GFRA2: variants seen among roughly 807,000 people sequenced by gnomAD.
GFRA2 encodes GDNF family receptor alpha-2.
In GFRA2, 17 loss-of-function variants were observed where a neutral mutation model predicts 48.3. The observed-to-expected ratio is 0.35, with a 90% CI of 0.24 to 0.53. The LOEUF is 0.53. GFRA2 is among the 20% of genes least tolerant of loss of function. The pLI is 0.93. For synonymous variants in GFRA2, 305 were observed against 257.2 expected, an observed-to-expected ratio of 1.19 and a Z score of -1.78; for missense variants, 660 against 637.3, an observed-to-expected ratio of 1.04 and a Z score of -0.38.
chr8:21,773,988 G>A (rs993254402), intron 3 of GFRA2, among the ~76,000 whole-genome samples: 1 of 152,212 alleles, frequency 6.6e-6, no homozygotes, highest in African/African-American at 2.4e-5. Flanking sequence ...TAGTGCTGCT[G>A]TTGAAAACCC....
At chr8:21,794,233 C>CTTTTTTT (rs1159236794) in intron 2 of GFRA2, among the ~76,000 whole-genome samples, 2 of 66,958 alleles carry the variant, frequency 3.0e-5, no homozygotes, top group Non-Finnish European at 5.6e-5. Context: ...CTGAGAGTGA[C>CTTTTTTT]TTTTTTTTTT....
At chr8:21,759,206 C>CA (rs1805748114) in intron 3 of GFRA2, among the ~76,000 whole-genome samples, 2 of 151,686 alleles carry the variant, frequency 1.3e-5, no homozygotes, top group South Asian at 4.2e-4. Context: ...GCCAACATGG[C>CA]AAAACCCCGT....
intron 7 of GFRA2, 136 bp from the exon 8 acceptor site, chr8:21,694,653 A>T (rs541825701): frequency 2.6e-6 from 2 of 775,366 alleles, no homozygotes; most frequent in African/African-American, 3.4e-5. Flanking sequence ...TGAAGAGGGT[A>T]GCTCAATTCC....
intron 1 of GFRA2, 139 bp from the exon 2 acceptor site, chr8:21,783,038 A>G (rs1807091068): frequency 1.3e-6 from 1 of 796,132 alleles, no homozygotes; most frequent in Non-Finnish European, 2.1e-6. Flanking sequence ...TCTGTGGGAC[A>G]GCCCTCCTCA....
chr8:21,693,473 C>G, intron 8 of GFRA2, 73 bp from the exon 9 acceptor site: 1 of 1,430,232 alleles, frequency 7.0e-7, no homozygotes, highest in Non-Finnish European at 9.5e-7. Flanking sequence ...AGGCCTGGGA[C>G]CCGGCAGAGA....
chr8:21,702,788 C>T lies in GFRA2; in HGVS notation c.1218+17G>A, dbSNP rs778319534. ...GTGCCATGGTGCTCCCCCCACGCCTCAGCCACACACCCTCACCTGGACAGA... is the reference window on the plus strand; with the variant it reads ...GTGCCATGGTGCTCCCCCCACGCCTTAGCCACACACCCTCACCTGGACAGA... On this transcript the variant is annotated intron_variant, in intron 7 of 8. Coordinates refer to ENST00000524240, the MANE Select transcript of GFRA2 (RefSeq NM_001495.5). 1.9e-6 allele frequency: 3 copies of T among 1,576,120 alleles called. No homozygotes were observed. Among genetic ancestry groups the T allele is most frequent in the Admixed American group, 1.8e-5 (1 of 54,310 alleles).
At chr8:21,717,511 T>G (rs73552682) in intron 4 of GFRA2, among the ~76,000 whole-genome samples, 16,735 of 152,268 alleles carry the variant, frequency 0.11, 1,641 homozygotes, top group African/African-American at 0.26. Context: ...ATTATGTTCA[T>G]TTTTAATAAA....
intron 8 of GFRA2, 51 bp downstream of exon 8, chr8:21,694,413 C>T: frequency 1.9e-6 from 3 of 1,541,272 alleles, no homozygotes; most frequent in Admixed American, 1.7e-5. Flanking sequence ...GAAATGCCGC[C>T]CCCCACCGGC....
chr8:21,701,612 C>G (rs963996720), intron 7 of GFRA2, among the ~76,000 whole-genome samples: 1 of 152,078 alleles, frequency 6.6e-6, no homozygotes, highest in Non-Finnish European at 1.5e-5. Flanking sequence ...GCCTCCCCAG[C>G]CCCCGGATTT....
rs1348055614 is a variant in GFRA2, at chr8:21,788,633, C to T, written c.-474G>A. The T allele has an allele frequency of 1.6e-5, 16 of 987,078 alleles. No homozygotes were observed. The highest frequency in any genetic ancestry group is 1.9e-5 in the Non-Finnish European group (16 of 831,146). The allele number at this position is 987,078 out of a possible 1,614,324, so 61.1% of individuals were successfully genotyped here. ...TGCAAATAGAAAAGAAATCCACAGA[C>T]GGGTGTCAGCGCCCAAGAACAATCC... On this transcript the variant is annotated 5_prime_UTR_variant, in exon 1 of 9. Transcript: ENST00000524240.
At chr8:21,784,557 C>T (rs1026138197) in intron 1 of GFRA2, among the ~76,000 whole-genome samples, 1 of 152,118 alleles carries the variant, frequency 6.6e-6, no homozygotes, top group African/African-American at 2.4e-5. Flanking sequence ...AGCGGGCCTT[C>T]GCTCCCGAGA....
intron 7 of GFRA2, among the ~76,000 whole-genome samples, chr8:21,696,924 AGGGAAGGGGACAGAGGAAG>A (rs1802207429): frequency 2.0e-5 from 2 of 100,400 alleles, no homozygotes; most frequent in East Asian, 6.3e-4. Flanking sequence ...GACATAGTAG[AGGGAAGGGGACAGAGGAAG>A]GGGGAGGGGA....
chr8:21,755,077 G>C (rs1805504220), intron 3 of GFRA2, among the ~76,000 whole-genome samples: 1 of 152,124 alleles, frequency 6.6e-6, no homozygotes, highest in Non-Finnish European at 1.5e-5. Flanking sequence ...GGGGGAGGAA[G>C]ACGCAGAGCA....
intron 4 of GFRA2, among the ~76,000 whole-genome samples, chr8:21,741,601 C>A (rs1024798511): frequency 1.8e-4 from 28 of 152,210 alleles, no homozygotes; most frequent in African/African-American, 6.5e-4. Context: ...GTGCCTGGCA[C>A]AGAGTGGGCA....
chr8:21,727,113 A>G (rs1171770222), intron 4 of GFRA2, among the ~76,000 whole-genome samples: 1 of 152,124 alleles, frequency 6.6e-6, no homozygotes. Flanking sequence ...AAATGTTGGG[A>G]GACATTATTC....
At chr8:21,698,076 G>T (rs900089757) in intron 7 of GFRA2, among the ~76,000 whole-genome samples, 2 of 152,168 alleles carry the variant, frequency 1.3e-5, no homozygotes, top group African/African-American at 4.8e-5. Flanking sequence ...GTGGGTCTAG[G>T]GAAATAGCCT....
chr8:21,766,245 C>T (rs951706804), intron 3 of GFRA2, among the ~76,000 whole-genome samples: 5 of 152,056 alleles, frequency 3.3e-5, no homozygotes, highest in African/African-American at 1.2e-4. Context: ...TTGTGGTTCC[C>T]AGTCACCTCT....
chr8:21,735,445 C>A (rs934886377), intron 4 of GFRA2, among the ~76,000 whole-genome samples: 2 of 152,100 alleles, frequency 1.3e-5, no homozygotes, highest in African/African-American at 2.4e-5. Flanking sequence ...CCCAGTTCTC[C>A]TTCGCACACA....
chr8:21,799,260 C>T (rs1259856562), intron 2 of GFRA2, among the ~76,000 whole-genome samples: 1 of 151,046 alleles, frequency 6.6e-6, no homozygotes, highest in African/African-American at 2.4e-5. Context: ...CTCTGTCACC[C>T]AGGCTGGAGT....
Sources: gnomAD v4.1 joint callset for allele counts (sites outside exome capture counted in the v4.1 genomes callset) on GRCh38, gnomAD v4.1.1 for gene constraint, MANE v1.5 for transcripts, NCBI Gene and HGNC (gene_info 2026-07-23, HGNC 2026-07-21) for gene names.